OPCML: variants seen among roughly 807,000 people sequenced by gnomAD.
OPCML encodes the protein opioid binding protein/cell adhesion molecule like, also known as opioid-binding protein/cell adhesion molecule.
Under a neutral mutation model 37.8 loss-of-function variants are expected in OPCML, and 13 were observed. The observed-to-expected ratio is 0.34, with a 90% CI of 0.22 to 0.55. The LOEUF (loss-of-function observed/expected upper bound fraction) is 0.55, where lower values mean the gene tolerates loss of function less well. Ranked by LOEUF, OPCML falls within the 20% of genes least tolerant of loss-of-function variation. The pLI is 0.91. For missense variants in OPCML, 341 were observed against 435.6 expected, an observed-to-expected ratio of 0.78 and a Z score of 1.93; for synonymous variants, 176 against 168.8, an observed-to-expected ratio of 1.04 and a Z score of -0.33.
Position 133,094,108 on chromosome 11 carries a change from T to TA in OPCML, c.62-151099dup, listed in dbSNP as rs200766401. ...CTGGACCTGGGATAAAATATTTCAGTAAAAAAAAATATGCAGGTGCAGCTA... is the reference window on the plus strand; with the variant it reads ...CTGGACCTGGGATAAAATATTTCAGTAAAAAAAAAATATGCAGGTGCAGCTA... On this transcript the variant is annotated intron_variant, in intron 1 of 7. Coordinates refer to ENST00000524381, the MANE Select transcript of OPCML (RefSeq NM_001012393.5). Among the ~76,000 whole-genome samples the TA allele has an allele frequency of 8.3e-3, 1,252 of 151,072 alleles. 16 individuals are homozygous for TA. Among genetic ancestry groups the TA allele is most frequent in the African/African-American group, 0.028 (1,172 of 41,264 alleles).
At chr11:132,853,969 A>G (rs1941934431) in intron 2 of OPCML, among the ~76,000 whole-genome samples, 1 of 152,092 alleles carries the variant, frequency 6.6e-6, no homozygotes, top group Non-Finnish European at 1.5e-5. Flanking sequence ...GACGTTATCT[A>G]TTATATTTGA....
At position 133,212,728 on chromosome 11, in the gene OPCML, G is replaced by A. The variant is rs547849724; in HGVS notation, c.62-269718C>T. ...ATGGCTCTGTGTCTATTATCCATTC[G>A]CTTAGAATAGTGTTTGAATGAATGA... On this transcript the variant is annotated intron_variant, in intron 1 of 7. Transcript: ENST00000524381. The surrounding 1 kb of genome is among the most constrained non-coding windows in gnomAD (Gnocchi z 4.9). 2.0e-5 allele frequency among the ~76,000 whole-genome samples: 3 copies of A among 152,212 alleles called. No individual in the cohort carries two copies. Among genetic ancestry groups the A allele is most frequent in the East Asian group, 1.9e-4 (1 of 5,166 alleles).
At chr11:133,089,382 G>C (rs1948869823) in intron 1 of OPCML, among the ~76,000 whole-genome samples, 1 of 152,134 alleles carries the variant, frequency 6.6e-6, no homozygotes, top group African/African-American at 2.4e-5. Flanking sequence ...TGTTATTTTT[G>C]TAAGTAAAAT....
chr11:133,504,784 C>T (rs551405647), intron 1 of OPCML, among the ~76,000 whole-genome samples: 2 of 152,302 alleles, frequency 1.3e-5, no homozygotes, highest in African/African-American at 4.8e-5. Flanking sequence ...TACCAAATTG[C>T]CTGATCGCTT....
intron 1 of OPCML, among the ~76,000 whole-genome samples, chr11:133,270,943 G>T (rs1157146214): frequency 6.6e-6 from 1 of 152,178 alleles, no homozygotes; most frequent in African/African-American, 2.4e-5. Context: ...TTAAAATCAA[G>T]GCTACTGTGT....
chr11:133,312,742 TA>T (rs1265052273), intron 1 of OPCML, among the ~76,000 whole-genome samples: 1 of 152,198 alleles, frequency 6.6e-6, no homozygotes, highest in African/African-American at 2.4e-5. Flanking sequence ...TAGAGTTTTT[TA>T]AAAAGTTCAA....
chr11:133,399,931 G>A (rs1592265832), intron 1 of OPCML, among the ~76,000 whole-genome samples: 1 of 151,476 alleles, frequency 6.6e-6, no homozygotes, highest in East Asian at 1.9e-4. Context: ...GCATGCACAC[G>A]TCTGTTGCAT....
At chr11:133,013,782 G>A (rs972266107) in intron 1 of OPCML, among the ~76,000 whole-genome samples, 2 of 152,168 alleles carry the variant, frequency 1.3e-5, no homozygotes, top group Non-Finnish European at 2.9e-5. Flanking sequence ...TGATGAACTG[G>A]TCTAGGGCCA....
intron 1 of OPCML, among the ~76,000 whole-genome samples, chr11:133,432,557 C>A (rs1477848898): frequency 6.6e-6 from 1 of 152,036 alleles, no homozygotes; most frequent in Non-Finnish European, 1.5e-5. Flanking sequence ...ATTTATTCTG[C>A]TTGTAATTTG....
Position 133,020,063 on chromosome 11 carries a change from G to A in OPCML, c.62-77053C>T, listed in dbSNP as rs376363818. ...AATATTCACCTCCAGGGGCGGATGC[G>A]GTCGGAATGAGCTGAGGGTTTCTGT... On this transcript the variant is annotated intron_variant, in intron 1 of 7. Coordinates refer to ENST00000524381, the MANE Select transcript of OPCML (RefSeq NM_001012393.5). Among the ~76,000 whole-genome samples the A allele has an allele frequency of 3.5e-4, 53 of 152,310 alleles. 1 individual carries two copies. The East Asian group carries it at 5.2e-3, about 15-fold the overall frequency.
chr11:132,546,927 G>A (rs2096370046), intron 3 of OPCML, among the ~76,000 whole-genome samples: 3 of 152,184 alleles, frequency 2.0e-5, no homozygotes, highest in Admixed American at 1.3e-4. Context: ...AAGCCTGTGT[G>A]GCCCTACCTT....
At chr11:133,452,191 T>A (rs1223268049) in intron 1 of OPCML, among the ~76,000 whole-genome samples, 1 of 151,550 alleles carries the variant, frequency 6.6e-6, no homozygotes, top group Non-Finnish European at 1.5e-5. Context: ...GATGATGGAA[T>A]CAGTAGACAA....
At chr11:132,960,578 C>T (rs1421136018) in intron 1 of OPCML, among the ~76,000 whole-genome samples, 1 of 152,194 alleles carries the variant, frequency 6.6e-6, no homozygotes, top group African/African-American at 2.4e-5. Flanking sequence ...CTATTTTCCA[C>T]CATCTCCCTC....
intron 2 of OPCML, among the ~76,000 whole-genome samples, chr11:132,817,505 C>G (rs1010141655): frequency 1.3e-5 from 2 of 152,002 alleles, no homozygotes; most frequent in Non-Finnish European, 2.9e-5. Context: ...ATGTGTGAAG[C>G]AGACAGCTGG....
chr11:133,087,809 C>T (rs757625075), intron 1 of OPCML, among the ~76,000 whole-genome samples: 10 of 152,168 alleles, frequency 6.6e-5, no homozygotes, highest in Non-Finnish European at 1.0e-4. Context: ...GGCTCTTTCC[C>T]GCACTGGCTA....
intron 1 of OPCML, among the ~76,000 whole-genome samples, chr11:133,385,113 G>A (rs962337296): frequency 1.3e-5 from 2 of 152,168 alleles, no homozygotes; most frequent in African/African-American, 4.8e-5. Context: ...GTCCTAAGAG[G>A]CAGTGATGCC....
At chr11:133,377,796 C>T (rs554447770) in intron 1 of OPCML, among the ~76,000 whole-genome samples, 6 of 152,138 alleles carry the variant, frequency 3.9e-5, no homozygotes, top group Middle Eastern at 6.8e-3. Context: ...GTTTGAAACA[C>T]CTAGTGCGGG....
intron 2 of OPCML, among the ~76,000 whole-genome samples, chr11:132,664,080 C>G (rs1453943999): frequency 6.6e-6 from 1 of 152,168 alleles, no homozygotes; most frequent in African/African-American, 2.4e-5. Flanking sequence ...GATCCGCCCG[C>G]CTCGGCCTCC....
Position 132,544,512 on chromosome 11 carries a change from G to A in OPCML, c.380-15326C>T, listed in dbSNP as rs368784502. On this transcript the variant is annotated intron_variant, in intron 3 of 7. Coordinates refer to ENST00000524381, the MANE Select transcript of OPCML (RefSeq NM_001012393.5). The stretch of plus-strand genomic sequence containing the variant: ...TGAAATTATTGGGCAAATCTTTTTG[G>A]AAAGCAGTCCTGCCAAAAATGTTTA... Among the ~76,000 whole-genome samples, 104 of 152,222 alleles carry A rather than the reference G, an allele frequency of 6.8e-4. 1 individual carries two copies. The South Asian group carries it at 7.0e-3, about 10-fold the overall frequency.
Sources: gnomAD v4.1 joint callset for allele counts (sites outside exome capture counted in the v4.1 genomes callset) on GRCh38, gnomAD v4.1.1 for gene constraint, Gnocchi (gnomAD v3.1) non-coding constraint, MANE v1.5 for transcripts, NCBI Gene and HGNC (gene_info 2026-07-23, HGNC 2026-07-21) for gene names.